Variants in DMTF1 observed in about 807,000 individuals in gnomAD.
DMTF1 encodes the protein cyclin-D-binding Myb-like transcription factor 1.
In DMTF1, 39 loss-of-function variants were observed where a neutral mutation model predicts 91.1. That is an observed-to-expected ratio of 0.43 (90% CI 0.33 to 0.56). DMTF1 has a LOEUF of 0.56. DMTF1 is among the 20% of genes least tolerant of loss of function. DMTF1 has a pLI of 0.05. For synonymous variants in DMTF1, 338 were observed against 309.5 expected (o/e 1.09, Z -0.97); for missense variants, 750 against 914.5 (o/e 0.82, Z 2.32).
chr7:87,179,771 T>C, intron 8 of DMTF1, 69 bp downstream of exon 8: 2 of 1,397,190 alleles, frequency 1.4e-6, no homozygotes, highest in Admixed American at 2.6e-5. Context: ...TGTCCATTTT[T>C]TTAAACAATA....
rs548005897 is a variant in DMTF1 at position 87,163,580 on chromosome 7, C to T, written c.-46C>T. ...GTTGCTAAGGGAAGGCAACTTGATTCTGTGGGAAGGGCTGTAGCTGATCCA... is the reference window on the plus strand; with the variant it reads ...GTTGCTAAGGGAAGGCAACTTGATTTTGTGGGAAGGGCTGTAGCTGATCCA... On this transcript the variant is annotated 5_prime_UTR_variant, in exon 2 of 18. Transcript: ENST00000331242. The T allele has an allele frequency of 6.6e-6, 1 of 152,192 alleles. No homozygotes were observed. The highest frequency in any genetic ancestry group is 2.4e-5 in the African/African-American group (1 of 41,446). 9.4% of individuals were successfully genotyped at this position (152,192 alleles called of 1,614,324 possible).
rs757564025 is a variant in DMTF1, at chr7:87,190,930, T to C, written c.1412-15T>C. 9 of 1,602,178 alleles carry C rather than the reference T, an allele frequency of 5.6e-6. 1 individual carries two copies. The South Asian group carries it at 1.0e-4, about 18-fold the overall frequency. On this transcript the variant is annotated splice_polypyrimidine_tract_variant and intron_variant, in intron 13 of 17. Coordinates refer to ENST00000331242, the MANE Select transcript of DMTF1 (RefSeq NM_001142327.2). Reference sequence around the variant, plus strand: ...TAAATTATTCTTACCACAGCTTACCTTATTCTTACCACAGCTTCAGCAGAC... The same window carrying C: ...TAAATTATTCTTACCACAGCTTACCCTATTCTTACCACAGCTTCAGCAGAC...
intron 1 of DMTF1, among the ~76,000 whole-genome samples, chr7:87,158,253 T>C (rs955195847): frequency 1.3e-5 from 2 of 152,034 alleles, no homozygotes; most frequent in African/African-American, 4.8e-5. Flanking sequence ...ATGTACTTGG[T>C]AAAGATGCCA....
At chr7:87,172,647 G>T (rs1795335797) in intron 5 of DMTF1, among the ~76,000 whole-genome samples, 1 of 151,870 alleles carries the variant, frequency 6.6e-6, no homozygotes, top group Admixed American at 6.6e-5. Flanking sequence ...TCTTTTTTTA[G>T]CCCAGAGACT....
intron 16 of DMTF1, chr7:87,194,464 C>CAGCTGACCTAT: frequency 2.0e-6 from 1 of 501,290 alleles, no homozygotes; most frequent in Admixed American, 3.7e-5. Context: ...CTGTTATATT[C>CAGCTGACCTAT]AGCTGACCTA....
At chr7:87,172,054 C>T (rs2129099557) in intron 5 of DMTF1, among the ~76,000 whole-genome samples, 1 of 152,248 alleles carries the variant, frequency 6.6e-6, no homozygotes, top group East Asian at 1.9e-4. Flanking sequence ...TTCTCATATC[C>T]AACTGATTAA....
In DMTF1 at chr7:87,154,762, T is replaced by C. The variant is rs541979530; in HGVS notation, c.-132+2207T>C. On this transcript the variant is annotated intron_variant, in intron 1 of 17. Coordinates refer to ENST00000331242, the MANE Select transcript of DMTF1 (RefSeq NM_001142327.2). ...GATAGCTGTCCTCTAGTCCTTTTTTTAGAGATCTCTTTTTTCAATCCTTTA... is the reference window on the plus strand; with the variant it reads ...GATAGCTGTCCTCTAGTCCTTTTTTCAGAGATCTCTTTTTTCAATCCTTTA... Among the ~76,000 whole-genome samples, 3 of 152,272 alleles carry C rather than the reference T, an allele frequency of 2.0e-5. 1 individual carries two copies. The highest frequency in any genetic ancestry group is 7.2e-5 in the African/African-American group (3 of 41,564).
At chr7:87,193,478 T>TATACACCATCACTCTGCCTTCACTG in intron 15 of DMTF1, 125 bp downstream of exon 15, 3 of 997,120 alleles carry the variant, frequency 3.0e-6, no homozygotes, top group Non-Finnish European at 4.5e-6. Flanking sequence ...GGCACAGTGT[T>TATACACCATCACTCTGCCTTCACTG]ATACACCATC....
chr7:87,184,170 T>A (rs1463126599), intron 10 of DMTF1, among the ~76,000 whole-genome samples: 1 of 152,238 alleles, frequency 6.6e-6, no homozygotes, highest in Non-Finnish European at 1.5e-5. Context: ...TCATAATTGG[T>A]CAGTGCTTTC....
chr7:87,179,728 T>A, intron 8 of DMTF1, 26 bp downstream of exon 8: 1 of 1,545,312 alleles, frequency 6.5e-7, no homozygotes, highest in African/African-American at 1.4e-5. Context: ...ATGCTGCATG[T>A]TTTCATGTAA....
At position 87,195,622 on chromosome 7, in the gene DMTF1, ATACAAG is replaced by A. The variant is rs1227535474; in HGVS notation, c.*485_*490del. The A allele has an allele frequency of 6.5e-6, 1 of 153,394 alleles. No homozygotes were observed. Among genetic ancestry groups the A allele is most frequent in the Non-Finnish European group, 1.5e-5 (1 of 68,674 alleles). 9.5% of individuals were successfully genotyped at this position (153,394 alleles called of 1,614,324 possible). A position where few individuals can be genotyped will look rare whatever the true frequency, so the allele number is the denominator to read the frequency against. ...AGACTAAGTTTGAGACTTGACCAGC[ATACAAG>A]TATAGAGACCTAGGAGGTGGTCTTG... On this transcript the variant is annotated 3_prime_UTR_variant, in exon 18 of 18. Transcript: ENST00000331242.
Position 87,193,347 on chromosome 7 carries a change from T to C in DMTF1, c.1644T>C (p.Ala548=). The C allele has an allele frequency of 6.2e-7, 1 of 1,613,152 alleles. No individual in the cohort carries two copies. The highest frequency in any genetic ancestry group is 2.2e-5 in the East Asian group (1 of 44,840). Residue 548 remains alanine, a synonymous_variant, in exon 15 of 18, where the codon GCT becomes GCC. Transcript: ENST00000331242. ...CTCCTGAACAGATTATTGTTCATGC[T>C]TTATCCGTATGTTACATAAATTACT... is the stretch of plus-strand genomic sequence containing the variant. ...PASPEQIIVH[A]LSPEHLLNTS...
At chr7:87,181,682 G>A (rs1322258562) in intron 9 of DMTF1, among the ~76,000 whole-genome samples, 1 of 152,176 alleles carries the variant, frequency 6.6e-6, no homozygotes, top group Non-Finnish European at 1.5e-5. Flanking sequence ...ACATGGCTTG[G>A]TTTAGAATGG....
intron 3 of DMTF1, among the ~76,000 whole-genome samples, chr7:87,166,213 T>C (rs1793792051): frequency 6.6e-6 from 1 of 152,202 alleles, no homozygotes; most frequent in Non-Finnish European, 1.5e-5. Context: ...TTGCACATAT[T>C]GCTTCTACTG....
chr7:87,188,407 T>TC (rs1798950340), intron 13 of DMTF1, 106 bp downstream of exon 13: 2 of 1,170,164 alleles, frequency 1.7e-6, no homozygotes, highest in Non-Finnish European at 2.5e-6. Flanking sequence ...TTTACCCAAG[T>TC]CGGTGAACTG....
chr7:87,185,917 C>T lies in DMTF1; in HGVS notation c.1138C>T (p.Leu380=), dbSNP rs1584421603. ...GAGTAGTGTCCGTTCACCACAATGGCTACGAAGTAAATGGTGGACCATCAA... is the reference window on the plus strand; with the variant it reads ...GAGTAGTGTCCGTTCACCACAATGGTTACGAAGTAAATGGTGGACCATCAA... ...GWSSVRSPQW[L]RSKWWTIKRQ... is the part of the protein sequence containing the mutation. Residue 380 remains leucine, a synonymous_variant, in exon 12 of 18, where the codon CTA becomes TTA. Transcript: ENST00000331242. 6.2e-7 allele frequency: 1 copy of T among 1,613,962 alleles called. No homozygotes were observed. The highest frequency in any genetic ancestry group is 1.1e-5 in the South Asian group (1 of 91,080).
chr7:87,193,486 A>C, intron 15 of DMTF1, 133 bp downstream of exon 15: 1 of 941,106 alleles, frequency 1.1e-6, no homozygotes, highest in Admixed American at 2.3e-5. Flanking sequence ...GTTATACACC[A>C]TCACTCTGCC....
intron 5 of DMTF1, 136 bp from the exon 6 acceptor site, chr7:87,173,395 AAAAC>A (rs1190661896): frequency 4.5e-6 from 2 of 448,958 alleles, no homozygotes; most frequent in Non-Finnish European, 7.9e-6. Flanking sequence ...TACTATATCT[AAAAC>A]AAGTGAATTC....
intron 11 of DMTF1, 100 bp downstream of exon 11, chr7:87,184,725 A>G: frequency 1.0e-6 from 1 of 977,904 alleles, no homozygotes; most frequent in Non-Finnish European, 1.6e-6. Context: ...TAGTGTCTGA[A>G]AAGTATCCTT....
Sources: gnomAD v4.1 joint callset for allele counts (sites outside exome capture counted in the v4.1 genomes callset) on GRCh38, gnomAD v4.1.1 for gene constraint, MANE v1.5 for transcripts, NCBI Gene and HGNC (gene_info 2026-07-23, HGNC 2026-07-21) for gene names.